Variants in FGF10 observed in about 807,000 individuals in gnomAD.
FGF10 encodes fibroblast growth factor 10.
FGF10 carries 2 observed loss-of-function variants against 19.8 expected under a neutral mutation model. That is an observed-to-expected ratio of 0.10 (90% CI 0.04 to 0.32). The LOEUF is 0.32. Ranked by LOEUF, FGF10 falls within the 10% of genes least tolerant of loss-of-function variation. The pLI, the probability that FGF10 is intolerant of heterozygous loss-of-function variation, is 1.00. For missense variants in FGF10, 191 were observed against 246.3 expected (o/e 0.78, Z 1.50); for synonymous variants, 112 against 94.0 (o/e 1.19, Z -1.10).
intron 1 of FGF10, among the ~76,000 whole-genome samples, chr5:44,333,196 G>GA (rs889078139): frequency 6.6e-6 from 1 of 152,086 alleles, no homozygotes; most frequent in African/African-American, 2.4e-5. Context: ...AGTCTAGAGA[G>GA]AAAATACTCA....
chr5:44,341,065 T>C (rs1486500835), intron 1 of FGF10, among the ~76,000 whole-genome samples: 1 of 152,034 alleles, frequency 6.6e-6, no homozygotes, highest in Non-Finnish European at 1.5e-5. Flanking sequence ...TGTTCTTATT[T>C]TTTAGCATTT....
chr5:44,336,840 CTT>C (rs532738168), intron 1 of FGF10, among the ~76,000 whole-genome samples: 62 of 152,234 alleles, frequency 4.1e-4, no homozygotes, highest in African/African-American at 1.4e-3. Context: ...AACTTTTCAT[CTT>C]AGTTACGTTC....
Position 44,305,158 on chromosome 5 carries a change from C to T in FGF10, c.464G>A (p.Arg155Lys), listed in dbSNP as rs1409489572. Residue 155 changes from arginine to lysine, a missense_variant, in exon 3 of 3, where the codon AGG (arginine) becomes AAG (lysine). Physicochemically the swap from Arg to Lys is conservative, Grantham distance 26 (BLOSUM62 2). This residue lies in a region of FGF10 where 99 missense variants were observed against 161.7 expected (regional missense o/e 0.61). Transcript: ENST00000264664. Reference sequence around the variant, plus strand: ...GGTATTGTATCCATTTTCCTCTATCCTCTCCTTCAGCTTACAGTCATTGTT... The same window carrying T: ...GGTATTGTATCCATTTTCCTCTATCTTCTCCTTCAGCTTACAGTCATTGTT... The part of the protein sequence containing the change: ...EFNNDCKLKE[R>K]IEENGYNTYA... The T allele has an allele frequency of 1.2e-6, 2 of 1,613,734 alleles. No homozygotes were observed. Among genetic ancestry groups the T allele is most frequent in the African/African-American group, 1.3e-5 (1 of 74,922 alleles).
At position 44,303,293 on chromosome 5, in the gene FGF10, G is replaced by A. The variant is rs1740002059; in HGVS notation, c.*1702C>T. Among the ~76,000 whole-genome samples, 1 of 151,998 alleles carries A rather than the reference G, an allele frequency of 6.6e-6. No individual in the cohort carries two copies. The highest frequency in any genetic ancestry group is 2.4e-5 in the African/African-American group (1 of 41,404). Reference sequence around the variant, plus strand: ...TAACTGGAAGTGCTGGTTAAGTATTGACACAAATAAGTTTGTTGGAGAATC... The same window carrying A: ...TAACTGGAAGTGCTGGTTAAGTATTAACACAAATAAGTTTGTTGGAGAATC... On this transcript the variant is annotated 3_prime_UTR_variant, in exon 3 of 3. Transcript: ENST00000264664.
intron 1 of FGF10, among the ~76,000 whole-genome samples, chr5:44,356,296 C>T (rs1741345590): frequency 6.6e-6 from 1 of 151,382 alleles, no homozygotes; most frequent in Admixed American, 6.6e-5. Flanking sequence ...AACCAACTCA[C>T]TTTGTCCCCA....
rs1215715228 is a variant in FGF10, at chr5:44,349,441, T to TCAG, written c.326-38912_326-38911insCTG. On this transcript the variant is annotated intron_variant, in intron 1 of 2. Coordinates refer to ENST00000264664, the MANE Select transcript of FGF10 (RefSeq NM_004465.2). ...TTTTCTTTATATATATATATATATA[T>TCAG]ATATATATATATATATATATATATA... Among the ~76,000 whole-genome samples the TCAG allele has an allele frequency of 4.0e-3, 50 of 12,412 alleles. 4 individuals are homozygous for TCAG. Among genetic ancestry groups the TCAG allele is most frequent in the African/African-American group, 9.7e-3 (49 of 5,030 alleles). The allele number at this position is 12,412 out of a possible 152,430, so 8.1% of individuals were successfully genotyped here.
Position 44,302,309 on chromosome 5 carries a change from TCCTTCCTTCCTTC to T in FGF10, c.*2673_*2685del, listed in dbSNP as rs1739983787. Among the ~76,000 whole-genome samples, 1 of 148,152 alleles carries T rather than the reference TCCTTCCTTCCTTC, an allele frequency of 6.7e-6. No homozygotes were observed. The highest frequency in any genetic ancestry group is 6.8e-5 in the Admixed American group (1 of 14,782). On this transcript the variant is annotated 3_prime_UTR_variant, in exon 3 of 3. Coordinates refer to ENST00000264664, the MANE Select transcript of FGF10 (RefSeq NM_004465.2). The stretch of plus-strand genomic sequence containing the variant: ...TTCCTTCCTTCCTTCCTTCCTTCCT[TCCTTCCTTCCTTC>T]CTTCCTTCCTGTCTTTCTGTCTTTT...
In FGF10 at chr5:44,300,698, T is replaced by G. The variant is rs1186620060; in HGVS notation, c.*4297A>C. ...ATGTAGCAAACAACCATTTGGTTTTTGCACCTGCAGCACTGCTGTCTCCTT... is the reference window on the plus strand; with the variant it reads ...ATGTAGCAAACAACCATTTGGTTTTGGCACCTGCAGCACTGCTGTCTCCTT... On this transcript the variant is annotated 3_prime_UTR_variant, in exon 3 of 3. Coordinates refer to ENST00000264664, the MANE Select transcript of FGF10 (RefSeq NM_004465.2). Among the ~76,000 whole-genome samples, 1 of 152,132 alleles carries G rather than the reference T, an allele frequency of 6.6e-6. No homozygotes were observed. Among genetic ancestry groups the G allele is most frequent in the Non-Finnish European group, 1.5e-5 (1 of 68,020 alleles).
chr5:44,347,362 A>G (rs1374264613), intron 1 of FGF10, among the ~76,000 whole-genome samples: 1 of 151,732 alleles, frequency 6.6e-6, no homozygotes, highest in Non-Finnish European at 1.5e-5. Flanking sequence ...TGTCACCATC[A>G]TGAAGAAATG....
intron 1 of FGF10, among the ~76,000 whole-genome samples, chr5:44,356,408 T>C (rs1353834029): frequency 6.6e-6 from 1 of 151,532 alleles, no homozygotes; most frequent in Non-Finnish European, 1.5e-5. Context: ...CATTCAGTGT[T>C]GTAAACATGG....
chr5:44,380,945 C>T (rs1214300542), intron 1 of FGF10, among the ~76,000 whole-genome samples: 3 of 152,180 alleles, frequency 2.0e-5, no homozygotes, highest in African/African-American at 7.2e-5. Context: ...ATGAGTGAGA[C>T]CCTGTCTTCA....
chr5:44,386,309 A>T (rs1390173375), intron 1 of FGF10, among the ~76,000 whole-genome samples: 1 of 152,172 alleles, frequency 6.6e-6, no homozygotes, highest in South Asian at 2.1e-4. Flanking sequence ...TCATAAAGAC[A>T]TTTAAAGTAT....
At chr5:44,342,261 C>T (rs538813483) in intron 1 of FGF10, among the ~76,000 whole-genome samples, 1 of 151,898 alleles carries the variant, frequency 6.6e-6, no homozygotes, top group East Asian at 1.9e-4. Context: ...CTATAGGATA[C>T]AAAGAAGTAG....
chr5:44,341,881 T>G (rs1212104348), intron 1 of FGF10, among the ~76,000 whole-genome samples: 1 of 152,032 alleles, frequency 6.6e-6, no homozygotes, highest in African/African-American at 2.4e-5. Flanking sequence ...TAATACATTA[T>G]TTAAGGTATG....
rs1482679 is a variant in FGF10, at chr5:44,385,313, G to A, written c.325+3045C>T. 0.52 allele frequency among the ~76,000 whole-genome samples: 79,007 copies of A among 151,928 alleles called. 23,341 individuals carry two copies. Among genetic ancestry groups the A allele is most frequent in the Non-Finnish European group, 0.67 (45,433 of 67,922 alleles). ...CCATATAGAGAAGAGCTTTGTTAAC[G>A]CATGTAGTCTTTTTAGAACCATCGA... On this transcript the variant is annotated intron_variant, in intron 1 of 2. Transcript: ENST00000264664.
intron 1 of FGF10, among the ~76,000 whole-genome samples, chr5:44,349,451 T>TATATATATATCAGA (rs1554038145): frequency 4.4e-3 from 73 of 16,694 alleles, no homozygotes; most frequent in Non-Finnish European, 9.6e-3. Flanking sequence ...TATATATATA[T>TATATATATATCAGA]ATATATATAT....
chr5:44,305,825 C>T (rs1740064038), intron 2 of FGF10, among the ~76,000 whole-genome samples: 1 of 152,078 alleles, frequency 6.6e-6, no homozygotes, highest in South Asian at 2.1e-4. Context: ...CTCGTGAACT[C>T]TAGGGATTGA....
At chr5:44,321,720 TC>T (rs1403657382) in intron 1 of FGF10, among the ~76,000 whole-genome samples, 3 of 152,224 alleles carry the variant, frequency 2.0e-5, no homozygotes, top group Non-Finnish European at 4.4e-5. Context: ...TTAACTCATG[TC>T]TGTTTGCACA....
chr5:44,363,075 C>T (rs1196394007), intron 1 of FGF10, among the ~76,000 whole-genome samples: 1 of 151,734 alleles, frequency 6.6e-6, no homozygotes, highest in African/African-American at 2.4e-5. Flanking sequence ...CAATATTCTA[C>T]AACAATATCA....
Sources: gnomAD v4.1 joint callset for allele counts (sites outside exome capture counted in the v4.1 genomes callset) on GRCh38, gnomAD v4.1.1 for gene constraint, gnomAD v4.1.1 regional missense constraint, MANE v1.5 for transcripts, NCBI Gene and HGNC (gene_info 2026-07-23, HGNC 2026-07-21) for gene names.